OTUD7A: variants seen among roughly 807,000 people sequenced by gnomAD.
OTUD7A encodes the protein OTU deubiquitinase 7A, also known as OTU domain-containing protein 7A.
Under a neutral mutation model 65.7 loss-of-function variants are expected in OTUD7A, and 12 were observed. That is an observed-to-expected ratio of 0.18 (90% CI 0.12 to 0.30). OTUD7A has a LOEUF of 0.30. Among genes scored for constraint, OTUD7A ranks in the 10% least tolerant of loss-of-function variants. The pLI is 1.00. For missense variants in OTUD7A, 1,148 were observed against 1,304.8 expected (o/e 0.88, Z 1.85); for synonymous variants, 641 against 586.3 (o/e 1.09, Z -1.35).
intron 1 of OTUD7A, among the ~76,000 whole-genome samples, chr15:31,735,749 G>A (rs1894172375): frequency 6.6e-6 from 1 of 152,052 alleles, no homozygotes. Flanking sequence ...TATTGTAAAG[G>A]CACATGCACC....
At chr15:31,566,148 G>A (rs547570972) in intron 4 of OTUD7A, among the ~76,000 whole-genome samples, 7 of 150,444 alleles carry the variant, frequency 4.7e-5, no homozygotes, top group South Asian at 2.1e-4. Context: ...CCGAGATTGC[G>A]CCACTGCACT....
chr15:31,560,514 T>C (rs1458015154), intron 4 of OTUD7A, among the ~76,000 whole-genome samples: 1 of 152,250 alleles, frequency 6.6e-6, no homozygotes, highest in African/African-American at 2.4e-5. Flanking sequence ...TGTGTTCTAA[T>C]GACTAACATT....
At chr15:31,698,037 T>C (rs1351819426) in intron 1 of OTUD7A, among the ~76,000 whole-genome samples, 2 of 152,150 alleles carry the variant, frequency 1.3e-5, no homozygotes, top group African/African-American at 2.4e-5. Flanking sequence ...CCAAGCATTG[T>C]TCCTTCCTCC....
At chr15:31,616,860 G>A (rs1477649690) in intron 3 of OTUD7A, among the ~76,000 whole-genome samples, 2 of 152,086 alleles carry the variant, frequency 1.3e-5, no homozygotes, top group Non-Finnish European at 2.9e-5. Context: ...TACATTTTAA[G>A]TTTAAAAGAA....
At chr15:31,642,126 G>A (rs575837690) in intron 3 of OTUD7A, among the ~76,000 whole-genome samples, 44 of 152,152 alleles carry the variant, frequency 2.9e-4, no homozygotes, top group South Asian at 1.0e-3. Context: ...AATCAAGGAC[G>A]AATGTGGATT....
At chr15:31,748,686 T>G (rs1396699073) in intron 1 of OTUD7A, among the ~76,000 whole-genome samples, 1 of 152,128 alleles carries the variant, frequency 6.6e-6, no homozygotes, top group Non-Finnish European at 1.5e-5. Flanking sequence ...AAGCTAAACG[T>G]ACAAATACCC....
rs1015099768 is a variant in OTUD7A, at chr15:31,726,330, T to TAC, written c.-99-69255_-99-69254dup. Reference sequence around the variant, plus strand: ...TAAGCATTGTCTCTGTCTCTCGAATTACACACACACACACACGCACACACA... The same window carrying TAC: ...TAAGCATTGTCTCTGTCTCTCGAATTACACACACACACACACACGCACACACA... On this transcript the variant is annotated intron_variant, in intron 1 of 12. Coordinates refer to ENST00000307050, the MANE Select transcript of OTUD7A (RefSeq NM_001382637.1). Among the ~76,000 whole-genome samples the TAC allele has an allele frequency of 1.2e-3, 107 of 90,272 alleles. No homozygotes were observed. The South Asian group carries it at 0.024, about 21-fold the overall frequency. The allele number at this position is 90,272 out of a possible 152,430, so 59.2% of individuals were successfully genotyped here.
Position 31,634,789 on chromosome 15 carries a change from C to A in OTUD7A, c.151+20307G>T, listed in dbSNP as rs144024268. Among the ~76,000 whole-genome samples, 561 of 152,356 alleles carry A rather than the reference C, an allele frequency of 3.7e-3. 3 individuals carry two copies. The highest frequency in any genetic ancestry group is 0.013 in the African/African-American group (547 of 41,588). On this transcript the variant is annotated intron_variant, in intron 3 of 12. Transcript: ENST00000307050. ...AAACCGCCCAAGGCTTCCCCAGTGTCCTCGCCTCAGTCTGGGGCCCTTTTT... is the reference window on the plus strand; with the variant it reads ...AAACCGCCCAAGGCTTCCCCAGTGTACTCGCCTCAGTCTGGGGCCCTTTTT...
At chr15:31,720,168 T>C (rs1027800726) in intron 1 of OTUD7A, among the ~76,000 whole-genome samples, 5 of 150,410 alleles carry the variant, frequency 3.3e-5, no homozygotes, top group Admixed American at 2.7e-4. Context: ...AAGTTTAAAA[T>C]TGCTCACAAG....
chr15:31,488,009 G>T (rs572111905), intron 10 of OTUD7A, among the ~76,000 whole-genome samples: 1 of 152,292 alleles, frequency 6.6e-6, no homozygotes, highest in African/African-American at 2.4e-5. Context: ...GACCTCTACT[G>T]GTTTGTAATT....
intron 1 of OTUD7A, among the ~76,000 whole-genome samples, chr15:31,741,754 A>T (rs1894351186): frequency 1.3e-5 from 2 of 152,070 alleles, no homozygotes; most frequent in Admixed American, 1.3e-4. Flanking sequence ...TTAGGAGCCA[A>T]ATGTCCATTT....
At chr15:31,823,162 T>A (rs1896726716) in intron 1 of OTUD7A, among the ~76,000 whole-genome samples, 1 of 152,072 alleles carries the variant, frequency 6.6e-6, no homozygotes, top group South Asian at 2.1e-4. Flanking sequence ...GACACCTCTT[T>A]CGCACACAAA....
intron 3 of OTUD7A, among the ~76,000 whole-genome samples, chr15:31,571,857 T>C (rs553811145): frequency 6.6e-6 from 1 of 152,254 alleles, no homozygotes; most frequent in African/African-American, 2.4e-5. Flanking sequence ...GGCCATAAAG[T>C]CCATGGGAGG....
chr15:31,642,351 T>A (rs1392911259), intron 3 of OTUD7A, among the ~76,000 whole-genome samples: 1 of 152,228 alleles, frequency 6.6e-6, no homozygotes, highest in East Asian at 1.9e-4. Context: ...CTTTTCTTCA[T>A]GAGGAATATT....
At chr15:31,845,800 C>G (rs1394404397) in intron 1 of OTUD7A, among the ~76,000 whole-genome samples, 1 of 152,260 alleles carries the variant, frequency 6.6e-6, no homozygotes, top group African/African-American at 2.4e-5. Flanking sequence ...CCTGAGTGAG[C>G]ATGGAGCACA....
chr15:31,483,646 C>T lies in OTUD7A; in HGVS notation c.2450G>A (p.Ser817Asn). The change falls in exon 13 of 13, where the codon AGC (serine) becomes AAC (asparagine). Residue 817 changes from serine (S) to asparagine (N), a missense_variant. Around this residue, in one of 6 missense-constraint regions of OTUD7A, gnomAD observed 842 missense variants for 769.5 expected, o/e 1.09. Transcript: ENST00000307050. ...QNRSLSSQSY[S>N]PARAAALRTV... ...GCGCAGGGCGGCGGCGCGCGCCGGG[C>T]TGTAGCTCTGCGACGACAGCGAGCG... 8.5e-7 allele frequency: 1 copy of T among 1,174,072 alleles called. No individual in the cohort carries two copies. The highest frequency in any genetic ancestry group is 1.0e-6 in the Non-Finnish European group (1 of 953,484). 72.7% of individuals were successfully genotyped at this position (1,174,072 alleles called of 1,614,324 possible).
chr15:31,662,669 C>G (rs1892198735), intron 1 of OTUD7A, among the ~76,000 whole-genome samples: 1 of 152,144 alleles, frequency 6.6e-6, no homozygotes, highest in South Asian at 2.1e-4. Context: ...AATCTGAATG[C>G]TTGGTGTACC....
intron 1 of OTUD7A, among the ~76,000 whole-genome samples, chr15:31,730,444 G>A (rs1299245036): frequency 6.6e-6 from 1 of 152,148 alleles, no homozygotes; most frequent in Non-Finnish European, 1.5e-5. Flanking sequence ...GCTTGAGAGA[G>A]TTCATCCATC....
chr15:31,642,657 T>C (rs566908334), intron 3 of OTUD7A, among the ~76,000 whole-genome samples: 42 of 152,220 alleles, frequency 2.8e-4, no homozygotes, highest in Admixed American at 1.6e-3. Context: ...TCATTTAACT[T>C]GCTGCATTTA....
Sources: gnomAD v4.1 joint callset for allele counts (sites outside exome capture counted in the v4.1 genomes callset) on GRCh38, gnomAD v4.1.1 for gene constraint, gnomAD v4.1.1 regional missense constraint, MANE v1.5 for transcripts, NCBI Gene and HGNC (gene_info 2026-07-23, HGNC 2026-07-21) for gene names.